Variants in ZNF726 observed in about 807,000 individuals in gnomAD.
ZNF726 encodes zinc finger protein 726, also known as zinc finger protein 92 pseudogene 3.
In ZNF726, 15 loss-of-function variants were observed where a neutral mutation model predicts 11.6. That is an observed-to-expected ratio of 1.29 (90% CI 0.86 to 1.99). The LOEUF (loss-of-function observed/expected upper bound fraction) is 1.99. ZNF726 is among the 30% of genes most tolerant of loss of function. ZNF726 has a pLI of 0.00. For synonymous variants in ZNF726, 295 were observed against 243.6 expected (o/e 1.21, Z -1.96); for missense variants, 890 against 725.6 (o/e 1.23, Z -2.60).
rs780629708 is a variant in ZNF726 at position 23,933,512 on chromosome 19, T to G, written c.1396T>G (p.Ser466Ala). The change falls in exon 4 of 4, where the codon TCA becomes GCA. Residue 466 changes from serine to alanine, a missense_variant. By Grantham distance (99) the Ser-to-Ala change is moderately conservative. Transcript: ENST00000594466. ...EECSKAFSRS[S>A]ALTTHKRMHT... ...ATGTAGTAAAGCATTTAGCCGATCC[T>G]CAGCCCTAACTACACATAAGAGGAT... 3.1e-6 allele frequency: 5 copies of G among 1,612,610 alleles called. No individual in the cohort carries two copies. The highest frequency in any genetic ancestry group is 1.3e-5 in the African/African-American group (1 of 74,924).
At position 23,933,936 on chromosome 19, in the gene ZNF726, C is replaced by T. The variant is rs1342839268; in HGVS notation, c.1820C>T (p.Thr607Ile). The change falls in exon 4 of 4, where the codon ACC becomes ATC. Residue 607 changes from threonine (T) to isoleucine (I), a missense_variant. Transcript: ENST00000594466. Reference sequence around the variant, plus strand: ...GGCAAATCATTTATCTGGTCCTCAACCCTTTTTAAGCATAAGAGGATTCAT... The same window carrying T: ...GGCAAATCATTTATCTGGTCCTCAATCCTTTTTAAGCATAAGAGGATTCAT... Reference protein sequence around the residue: ...ECGKSFIWSSTLFKHKRIHT With the variant: ...ECGKSFIWSSILFKHKRIHT 2.1e-5 allele frequency: 34 copies of T among 1,581,570 alleles called. No individual in the cohort carries two copies. Among genetic ancestry groups the T allele is most frequent in the Non-Finnish European group, 2.8e-5 (33 of 1,163,582 alleles).
At chr19:23,919,964 GT>G (rs760194444) in intron 2 of ZNF726, 22 bp from the exon 3 acceptor site, 2 of 1,508,728 alleles carry the variant, frequency 1.3e-6, no homozygotes, top group East Asian at 4.9e-5. Context: ...CAAGATTCAT[GT>G]TAATTATTTT....
chr19:23,920,839 CCGTTTTTA>C (rs1195424090), intron 3 of ZNF726: 2 of 147,006 alleles, frequency 1.4e-5, no homozygotes, highest in Non-Finnish European at 3.0e-5. Flanking sequence ...TTTAATATGG[CCGTTTTTA>C]CTTCCTGCAG....
At chr19:23,940,426 A>C (rs968189134) in intron 3 of ZNF726, among the ~76,000 whole-genome samples, 11 of 152,130 alleles carry the variant, frequency 7.2e-5, no homozygotes, top group Non-Finnish European at 1.2e-4. Flanking sequence ...GTTTGAAATC[A>C]GGTAGTGTGG....
downstream of ZNF726, chr19:23,935,717 T>C (rs1025053170): frequency 2.5e-5 from 6 of 244,800 alleles, no homozygotes; most frequent in East Asian, 5.2e-4. Context: ...ATGTGAACAA[T>C]GTGGCCAAGC....
chr19:23,928,722 A>T (rs1052368314), intron 3 of ZNF726: 3 of 152,212 alleles, frequency 2.0e-5, no homozygotes, highest in African/African-American at 7.2e-5. Flanking sequence ...AGTCCCTTGT[A>T]GGTGGCATAT....
chr19:23,937,325 G>A (rs193032860), downstream of ZNF726, among the ~76,000 whole-genome samples: 7,079 of 151,486 alleles, frequency 0.047, 296 homozygotes, highest in South Asian at 0.066. Flanking sequence ...GCTAGCGGGC[G>A]GAGACCCTCC....
chr19:23,925,483 C>A (rs1053071483), intron 3 of ZNF726, among the ~76,000 whole-genome samples: 1 of 152,032 alleles, frequency 6.6e-6, no homozygotes, highest in Non-Finnish European at 1.5e-5. Context: ...TGAGCCACCA[C>A]GCCCGGCCAA....
Position 23,933,289 on chromosome 19 carries a change from C to G in ZNF726, c.1173C>G (p.His391Gln). The G allele has an allele frequency of 6.2e-7, 1 of 1,610,942 alleles. No individual in the cohort carries two copies. The highest frequency in any genetic ancestry group is 8.5e-7 in the Non-Finnish European group (1 of 1,179,348). The change falls in exon 4 of 4, where the codon CAC (histidine) becomes CAG (glutamine). Residue 391 changes from histidine to glutamine, a missense_variant. His to Gln is a conservative substitution (Grantham distance 24). Transcript: ENST00000594466. Reference protein sequence around the residue: ...PSTLTKHKRIHTGEKPYKCEE... With the variant: ...PSTLTKHKRIQTGEKPYKCEE... ...CCCTAACTAAACATAAGAGGATTCA[C>G]ACTGGAGAGAAACCCTACAAATGTG... is the stretch of plus-strand genomic sequence containing the variant.
intron 1 of ZNF726, among the ~76,000 whole-genome samples, chr19:23,915,986 G>C (rs1392350457): frequency 1.3e-5 from 2 of 152,118 alleles, no homozygotes; most frequent in Non-Finnish European, 2.9e-5. Context: ...TTTTGTTTCT[G>C]CCAATGTAGT....
intron 1 of ZNF726, among the ~76,000 whole-genome samples, chr19:23,918,460 A>G (rs1967758575): frequency 6.6e-6 from 1 of 152,170 alleles, no homozygotes; most frequent in Non-Finnish European, 1.5e-5. Flanking sequence ...AGAACATGGA[A>G]GATATCTGTA....
At chr19:23,943,541 A>G (rs1034360604) in exon 4 of ZNF726, 3 of 679,918 alleles carry the variant, frequency 4.4e-6, no homozygotes, top group African/African-American at 3.5e-5. Context: ...TGAGCAAATA[A>G]AAGAGCCCTG....
intron 3 of ZNF726, among the ~76,000 whole-genome samples, chr19:23,925,889 G>A (rs1221205632): frequency 6.6e-6 from 1 of 151,532 alleles, no homozygotes; most frequent in African/African-American, 2.4e-5. Flanking sequence ...GCTCATTTTT[G>A]TATTTTTAGT....
downstream of ZNF726, among the ~76,000 whole-genome samples, chr19:23,936,986 CGGG>C (rs1968244588): frequency 6.6e-6 from 1 of 151,926 alleles, no homozygotes; most frequent in Non-Finnish European, 1.5e-5. Context: ...ACCTCCCAGA[CGGG>C]GTGGTGGCCG....
At chr19:23,924,751 G>A (rs1490571769) in intron 3 of ZNF726, among the ~76,000 whole-genome samples, 1 of 152,022 alleles carries the variant, frequency 6.6e-6, no homozygotes, top group Non-Finnish European at 1.5e-5. Flanking sequence ...GAAATAGCAA[G>A]GCATGGTGGT....
intron 3 of ZNF726, among the ~76,000 whole-genome samples, chr19:23,942,625 A>G (rs1206397735): frequency 6.6e-6 from 1 of 152,128 alleles, no homozygotes. Flanking sequence ...TAATTGTTTT[A>G]TAAATTTTGG....
chr19:23,932,532 C>A lies in ZNF726; in HGVS notation c.416C>A (p.Thr139Asn). The change falls in exon 4 of 4, where the codon ACT (threonine) becomes AAT (asparagine). Residue 139 changes from threonine (T) to asparagine (N), a missense_variant. Coordinates refer to ENST00000594466, the MANE Select transcript of ZNF726 (RefSeq NM_001244038.2). ...GYNGLNQCFTTTQGKASQCGK... is the reference protein window; with the variant it reads ...GYNGLNQCFTNTQGKASQCGK... ...AATGGACTTAACCAGTGTTTCACAA[C>A]TACCCAGGGCAAAGCTTCTCAATGT... is the stretch of plus-strand genomic sequence containing the variant. The A allele has an allele frequency of 1.3e-6, 2 of 1,584,190 alleles. No individual in the cohort carries two copies. Among genetic ancestry groups the A allele is most frequent in the Non-Finnish European group, 1.7e-6 (2 of 1,170,782 alleles).
Position 23,932,729 on chromosome 19 carries a change from G to T in ZNF726, c.613G>T (p.Glu205Ter), listed in dbSNP as rs1192111791. ...TACAGAGAAGTCCTACAAATGTAAA[G>T]AATGTGGAAAAACCTTTAATTGGTC... ...YTTEKSYKCKECGKTFNWSST... is the reference protein window; with the variant it reads ...YTTEKSYKCK Residue 205 changes from glutamate (E) to a stop codon, truncating the protein, a stop_gained, in exon 4 of 4, where the codon GAA becomes TAA. Transcript: ENST00000594466. LOFTEE classifies it low-confidence loss of function (END_TRUNC). 6.2e-7 allele frequency: 1 copy of T among 1,610,524 alleles called. No homozygotes were observed. Among genetic ancestry groups the T allele is most frequent in the Admixed American group, 1.7e-5 (1 of 59,222 alleles).
intron 3 of ZNF726, among the ~76,000 whole-genome samples, chr19:23,930,794 T>C (rs11666013): frequency 0.046 from 7,039 of 152,214 alleles, 287 homozygotes; most frequent in South Asian, 0.08. Context: ...ATTTATCTCT[T>C]TTAGGTATTA....
Sources: allele counts gnomAD v4.1 joint callset (sites outside exome capture counted in the v4.1 genomes callset), GRCh38; gene constraint gnomAD v4.1.1; transcripts MANE v1.5; gene names NCBI Gene and HGNC (gene_info 2026-07-23, HGNC 2026-07-21).